INSYN2A: variants seen among roughly 807,000 people sequenced by gnomAD.
INSYN2A encodes family with sequence similarity 196 member A.
In INSYN2A, 17 loss-of-function variants were observed where a neutral mutation model predicts 39.4. The ratio of observed to expected loss-of-function variants is 0.43; its 90% CI spans 0.30 to 0.65. The LOEUF is 0.65. Among genes scored for constraint, INSYN2A ranks in the 30% least tolerant of loss-of-function variants. INSYN2A has a pLI of 0.14. For synonymous variants in INSYN2A, 255 were observed against 265.7 expected (o/e 0.96, Z 0.39); for missense variants, 595 against 631.2 (o/e 0.94, Z 0.61).
intron 2 of INSYN2A, among the ~76,000 whole-genome samples, chr10:127,180,263 G>A (rs2055599939): frequency 6.6e-6 from 1 of 152,200 alleles, no homozygotes; most frequent in South Asian, 2.1e-4. Context: ...CTGAGTGAAT[G>A]TTGCCTTGAA....
intron 2 of INSYN2A, among the ~76,000 whole-genome samples, chr10:127,186,284 A>G (rs2056223509): frequency 6.6e-6 from 1 of 152,196 alleles, no homozygotes. Context: ...GGGAGGCCTC[A>G]AGAAACTTAA....
chr10:127,184,113 G>A (rs2133999172), intron 2 of INSYN2A, among the ~76,000 whole-genome samples: 1 of 152,190 alleles, frequency 6.6e-6, no homozygotes, highest in East Asian at 1.9e-4. Context: ...GAGACCCAAG[G>A]GTGGCCTGGA....
chr10:127,160,646 G>A (rs1025538751), intron 4 of INSYN2A, among the ~76,000 whole-genome samples: 1 of 152,194 alleles, frequency 6.6e-6, no homozygotes, highest in Non-Finnish European at 1.5e-5. Context: ...ATTACATAGG[G>A]TATGGCAATT....
intron 5 of INSYN2A, among the ~76,000 whole-genome samples, chr10:127,147,261 C>T (rs934520004): frequency 3.3e-5 from 5 of 152,090 alleles, no homozygotes; most frequent in African/African-American, 9.7e-5. Flanking sequence ...GTTCACGGGT[C>T]GCGAGGTTTC....
intron 1 of INSYN2A, among the ~76,000 whole-genome samples, chr10:127,193,131 C>A (rs530869796): frequency 6.6e-6 from 1 of 152,280 alleles, no homozygotes; most frequent in Non-Finnish European, 1.5e-5. Flanking sequence ...AAAGGATCTG[C>A]TTCATAAATC....
At chr10:127,182,274 C>G (rs1349544873) in intron 2 of INSYN2A, among the ~76,000 whole-genome samples, 1 of 152,132 alleles carries the variant, frequency 6.6e-6, no homozygotes, top group Non-Finnish European at 1.5e-5. Flanking sequence ...CCCACTCATG[C>G]ATATCTGCGG....
intron 1 of INSYN2A, among the ~76,000 whole-genome samples, chr10:127,193,792 C>T (rs1203745688): frequency 6.6e-6 from 1 of 151,316 alleles, no homozygotes; most frequent in Admixed American, 6.6e-5. Flanking sequence ...ACAAAAATTC[C>T]CTTTCCTGCC....
intron 4 of INSYN2A, among the ~76,000 whole-genome samples, chr10:127,161,246 A>C (rs1176009681): frequency 6.6e-6 from 1 of 152,232 alleles, no homozygotes; most frequent in African/African-American, 2.4e-5. Context: ...TGAGCTGTTA[A>C]ATGCTAGAAT....
chr10:127,196,568 T>C lies in INSYN2A; in HGVS notation c.-966A>G, dbSNP rs1003080881. Among the ~76,000 whole-genome samples, 1 of 132,678 alleles carries C rather than the reference T, an allele frequency of 7.5e-6. No individual in the cohort carries two copies. The highest frequency in any genetic ancestry group is 2.8e-5 in the African/African-American group (1 of 35,814). 87.0% of individuals were successfully genotyped at this position (132,678 alleles called of 152,430 possible). A position where few individuals can be genotyped will look rare whatever the true frequency, so the allele number is the denominator to read the frequency against. On this transcript the variant is annotated 5_prime_UTR_variant, in exon 1 of 6. Coordinates refer to ENST00000522781, the MANE Select transcript of INSYN2A (RefSeq NM_001039762.3). ...CGCGCCTGCCGCCTGTGCGCCCGGC[T>C]GGCACCGAGGCGGGCGGAGCCCCGG...
intron 5 of INSYN2A, among the ~76,000 whole-genome samples, chr10:127,139,258 G>T (rs1442445193): frequency 6.6e-6 from 1 of 152,086 alleles, no homozygotes; most frequent in East Asian, 1.9e-4. Context: ...TGACATTTTG[G>T]AAAGACAGAA....
chr10:127,182,231 C>T (rs1268982756), intron 2 of INSYN2A, among the ~76,000 whole-genome samples: 5 of 152,152 alleles, frequency 3.3e-5, no homozygotes, highest in East Asian at 1.9e-4. Context: ...ATGTAGGCAT[C>T]GAGGCAGAAG....
intron 4 of INSYN2A, among the ~76,000 whole-genome samples, chr10:127,162,207 G>A (rs950926026): frequency 3.9e-5 from 6 of 152,134 alleles, no homozygotes; most frequent in African/African-American, 9.7e-5. Flanking sequence ...TTCTGGGGAA[G>A]GGCAAATACT....
intron 2 of INSYN2A, among the ~76,000 whole-genome samples, chr10:127,188,604 G>C (rs1036727212): frequency 5.9e-5 from 9 of 152,150 alleles, no homozygotes; most frequent in African/African-American, 2.2e-4. Context: ...TTGCTAACGT[G>C]GTTAATTTCT....
At chr10:127,172,560 G>C (rs568827645) in intron 4 of INSYN2A, among the ~76,000 whole-genome samples, 5 of 151,448 alleles carry the variant, frequency 3.3e-5, no homozygotes, top group Non-Finnish European at 7.3e-5. Context: ...ATGACCCTGG[G>C]GCATTGAGCA....
At chr10:127,185,047 G>A (rs1014222391) in intron 2 of INSYN2A, among the ~76,000 whole-genome samples, 1 of 152,218 alleles carries the variant, frequency 6.6e-6, no homozygotes, top group Non-Finnish European at 1.5e-5. Context: ...GAAGTACTGA[G>A]AGTGCTCCCT....
chr10:127,184,321 C>T (rs533613747), intron 2 of INSYN2A, among the ~76,000 whole-genome samples: 4 of 151,042 alleles, frequency 2.6e-5, no homozygotes, highest in African/African-American at 9.8e-5. Flanking sequence ...ATTCCCCCCC[C>T]AGTCTAATCC....
rs999708433 is a variant in INSYN2A at position 127,157,604 on chromosome 10, T to G, written c.1185-3681A>C. ...TCCTGAGAAATGGTTTGGCTGACGT[T>G]TGTTGGTAAGAACCAAAGGAGTCAT... is the stretch of plus-strand genomic sequence containing the variant. On this transcript the variant is annotated intron_variant, in intron 4 of 5. Coordinates refer to ENST00000522781, the MANE Select transcript of INSYN2A (RefSeq NM_001039762.3). 2.6e-5 allele frequency among the ~76,000 whole-genome samples: 4 copies of G among 152,362 alleles called. No individual in the cohort carries two copies. In the East Asian group the frequency reaches 7.7e-4, roughly 29 times the overall value.
intron 5 of INSYN2A, among the ~76,000 whole-genome samples, chr10:127,142,494 T>C (rs1291987209): frequency 6.6e-6 from 1 of 152,170 alleles, no homozygotes; most frequent in Non-Finnish European, 1.5e-5. Context: ...GAAAAAGTCC[T>C]GATTCTTGAG....
chr10:127,181,174 G>A (rs1281127805), intron 2 of INSYN2A, among the ~76,000 whole-genome samples: 2 of 152,190 alleles, frequency 1.3e-5, no homozygotes, highest in Non-Finnish European at 2.9e-5. Context: ...GTATATGTAT[G>A]TATATATGCA....
Sources: gnomAD v4.1 joint callset for allele counts (sites outside exome capture counted in the v4.1 genomes callset) on GRCh38, gnomAD v4.1.1 for gene constraint, MANE v1.5 for transcripts, NCBI Gene and HGNC (gene_info 2026-07-23, HGNC 2026-07-21) for gene names.